Variants in CAV2 observed in about 807,000 individuals in gnomAD.
CAV2 encodes caveolin 2.
In CAV2, 7 loss-of-function variants were observed where a neutral mutation model predicts 15.5. That is an observed-to-expected ratio of 0.45 (90% CI 0.26 to 0.85). CAV2 has a LOEUF of 0.85. CAV2 is among the 40% of genes least tolerant of loss of function. CAV2 has a pLI of 0.18. For missense variants in CAV2, 229 were observed against 208.8 expected, an observed-to-expected ratio of 1.10 and a Z score of -0.60; for synonymous variants, 76 against 83.1, an observed-to-expected ratio of 0.91 and a Z score of 0.46.
intron 1 of CAV2, 68 bp from the exon 2 acceptor site, chr7:116,500,192 A>C: frequency 1.3e-6 from 2 of 1,566,952 alleles, no homozygotes; most frequent in Non-Finnish European, 1.7e-6. Context: ...CCCCCGCCCA[A>C]AGCGCTCCCG....
chr7:116,504,345 T>C (rs573800777), intron 2 of CAV2, among the ~76,000 whole-genome samples: 240 of 152,302 alleles, frequency 1.6e-3, no homozygotes, highest in Non-Finnish European at 2.9e-3. Flanking sequence ...GTGAGAAATA[T>C]AATAGAATAA....
In CAV2 at chr7:116,506,043, A is replaced by G; in HGVS notation, c.411A>G (p.Thr137=). The part of the protein sequence containing the change: ...PSVQTIWKSV[T]DVIIAPLCTS... ...TGCAGACAATATGGAAGAGTGTGAC[A>G]GATGTTATCATTGCTCCATTGTGTA... Residue 137 remains threonine (T), a synonymous_variant, in exon 3 of 3, where the codon ACA becomes ACG. Coordinates refer to ENST00000222693, the MANE Select transcript of CAV2 (RefSeq NM_001233.5). 2 of 1,613,776 alleles carry G rather than the reference A, an allele frequency of 1.2e-6. No homozygotes were observed. Among genetic ancestry groups the G allele is most frequent in the East Asian group, 2.2e-5 (1 of 44,880 alleles).
chr7:116,500,613 CTTTAG>C, intron 2 of CAV2, 166 bp downstream of exon 2: 1 of 621,504 alleles, frequency 1.6e-6, no homozygotes, highest in Non-Finnish European at 2.8e-6. Context: ...AATGCGCTTC[CTTTAG>C]AATAACAGTT....
In CAV2 at chr7:116,507,819, T is replaced by C. The variant is rs1206754743; in HGVS notation, c.*1698T>C. The C allele has an allele frequency of 6.6e-6, 1 of 152,234 alleles. No individual in the cohort carries two copies. The highest frequency in any genetic ancestry group is 2.4e-5 in the African/African-American group (1 of 41,460). 9.4% of individuals were successfully genotyped at this position (152,234 alleles called of 1,614,324 possible). On this transcript the variant is annotated 3_prime_UTR_variant, in exon 3 of 3. Coordinates refer to ENST00000222693, the MANE Select transcript of CAV2 (RefSeq NM_001233.5). ...TGTGTAAATGCTTAAATTTCAGAAT[T>C]ACCATCAGAACCTCAATTGACATTC...
chr7:116,502,834 T>C (rs537795734), intron 2 of CAV2, among the ~76,000 whole-genome samples: 3 of 152,296 alleles, frequency 2.0e-5, no homozygotes, highest in African/African-American at 7.2e-5. Flanking sequence ...AGTGAATTAG[T>C]TGGATTCCAT....
Position 116,508,537 on chromosome 7 carries a change from G to A in CAV2, c.*2416G>A, listed in dbSNP as rs1482650738. On this transcript the variant is annotated 3_prime_UTR_variant, in exon 3 of 3. Transcript: ENST00000222693. ...GGAATTCATAATAAATTTTCTAAAA[G>A]CCTACAAATGTGTGTATTGCTTTTA... The A allele has an allele frequency of 6.6e-6, 1 of 151,946 alleles. No individual in the cohort carries two copies. Among genetic ancestry groups the A allele is most frequent in the Non-Finnish European group, 1.5e-5 (1 of 67,960 alleles). 9.4% of individuals were successfully genotyped at this position (151,946 alleles called of 1,614,324 possible). A position where few individuals can be genotyped will look rare whatever the true frequency, so the allele number is the denominator to read the frequency against.
chr7:116,502,129 A>G (rs1296064601), intron 2 of CAV2, among the ~76,000 whole-genome samples: 1 of 152,180 alleles, frequency 6.6e-6, no homozygotes, highest in Non-Finnish European at 1.5e-5. Context: ...TTTATAGTCA[A>G]CAAAGCTAGG....
chr7:116,506,262 T>C lies in CAV2; in HGVS notation c.*141T>C. 1.3e-6 allele frequency: 1 copy of C among 747,476 alleles called. No homozygotes were observed. The highest frequency in any genetic ancestry group is 2.1e-6 in the Non-Finnish European group (1 of 466,488). The allele number at this position is 747,476 out of a possible 1,614,324, so 46.3% of individuals were successfully genotyped here. On this transcript the variant is annotated 3_prime_UTR_variant, in exon 3 of 3. Coordinates refer to ENST00000222693, the MANE Select transcript of CAV2 (RefSeq NM_001233.5). The stretch of plus-strand genomic sequence containing the variant: ...GATGAGCAACCACATTTAGAAATGT[T>C]TATTGACAGGTCTTTTCAAATAATG...
At chr7:116,503,020 C>T (rs553519543) in intron 2 of CAV2, among the ~76,000 whole-genome samples, 5 of 152,224 alleles carry the variant, frequency 3.3e-5, no homozygotes, top group African/African-American at 1.2e-4. Flanking sequence ...TTCTAGAAGA[C>T]AGTTTTCATA....
rs563435734 is a variant in CAV2 at position 116,506,029 on chromosome 7, T to C, written c.397T>C (p.Trp133Arg). 5.6e-6 allele frequency: 9 copies of C among 1,613,836 alleles called. No homozygotes were observed. In the South Asian group the frequency reaches 7.7e-5, roughly 14 times the overall value. Reference protein sequence around the residue: ...LMVLPSVQTIWKSVTDVIIAP... With the variant: ...LMVLPSVQTIRKSVTDVIIAP... ...GGTTCTGCCTTCAGTGCAGACAATA[T>C]GGAAGAGTGTGACAGATGTTATCAT... The change falls in exon 3 of 3, where the codon TGG becomes CGG. Residue 133 changes from tryptophan (W) to arginine (R), a missense_variant. Transcript: ENST00000222693.
chr7:116,500,623 A>G, intron 2 of CAV2, 176 bp downstream of exon 2: 1 of 603,956 alleles, frequency 1.7e-6, no homozygotes, highest in Non-Finnish European at 2.9e-6. Flanking sequence ...CTTTAGAATA[A>G]CAGTTTGGGC....
At chr7:116,501,437 G>A (rs747199943) in intron 2 of CAV2, among the ~76,000 whole-genome samples, 3 of 152,164 alleles carry the variant, frequency 2.0e-5, no homozygotes, top group Non-Finnish European at 4.4e-5. Flanking sequence ...GCCACACCCT[G>A]ATAAATACTC....
chr7:116,502,760 A>C (rs1375846195), intron 2 of CAV2, among the ~76,000 whole-genome samples: 2 of 152,226 alleles, frequency 1.3e-5, no homozygotes, highest in Non-Finnish European at 1.5e-5. Context: ...ACAATCAACA[A>C]CAATAAAACA....
At position 116,507,109 on chromosome 7, in the gene CAV2, A is replaced by G. The variant is rs1000750569; in HGVS notation, c.*988A>G. On this transcript the variant is annotated 3_prime_UTR_variant, in exon 3 of 3. Transcript: ENST00000222693. ...AGCATTCCTATTAATGTCTCACTTT[A>G]CTTTCAAGTAATATTGGTGCTATTT... The G allele has an allele frequency of 3.9e-5, 6 of 152,646 alleles. No homozygotes were observed. Among genetic ancestry groups the G allele is most frequent in the African/African-American group, 1.2e-4 (5 of 41,458 alleles). The allele number at this position is 152,646 out of a possible 1,614,324, so 9.5% of individuals were successfully genotyped here. A position where few individuals can be genotyped will look rare whatever the true frequency, so the allele number is the denominator to read the frequency against.
Position 116,499,791 on chromosome 7 carries a change from G to C in CAV2, c.10G>C (p.Glu4Gln), listed in dbSNP as rs775383670. 1.4e-5 allele frequency: 22 copies of C among 1,574,886 alleles called. No individual in the cohort carries two copies. Among genetic ancestry groups the C allele is most frequent in the Non-Finnish European group, 1.2e-5 (14 of 1,162,678 alleles). Residue 4 changes from glutamate to glutamine, a missense_variant, in exon 1 of 3, where the codon GAG becomes CAG. Physicochemically the swap from Glu to Gln is conservative, Grantham distance 29. Coordinates refer to ENST00000222693, the MANE Select transcript of CAV2 (RefSeq NM_001233.5). Reference sequence around the variant, plus strand: ...GCGCACCAAGGCTGCGATGGGGCTGGAGACGGAGAAGGCGGACGTACAGCT... The same window carrying C: ...GCGCACCAAGGCTGCGATGGGGCTGCAGACGGAGAAGGCGGACGTACAGCT... MGL[E>Q]TEKADVQLFM...
intron 2 of CAV2, chr7:116,500,668 T>C (rs1793082729): frequency 2.0e-5 from 11 of 541,896 alleles, no homozygotes; most frequent in Non-Finnish European, 3.6e-5. Flanking sequence ...TGTCGGTCTT[T>C]CCTGGGGTGT....
rs535850946 is a variant in CAV2, at chr7:116,505,293, T to C, written c.339-678T>C. 2.0e-5 allele frequency among the ~76,000 whole-genome samples: 3 copies of C among 152,318 alleles called. No homozygotes were observed. The East Asian group carries it at 5.8e-4, about 29-fold the overall frequency. On this transcript the variant is annotated intron_variant, in intron 2 of 2. Coordinates refer to ENST00000222693, the MANE Select transcript of CAV2 (RefSeq NM_001233.5). ...GACCAGGTAGATAAAGACATGGTTT[T>C]ATTTATTTTTGTTTTACTGTTTCAG...
intron 2 of CAV2, among the ~76,000 whole-genome samples, chr7:116,502,638 A>C (rs1486251905): frequency 6.6e-5 from 10 of 152,206 alleles, no homozygotes; most frequent in African/African-American, 2.2e-4. Flanking sequence ...GGGCTTGTGT[A>C]TTGTTTTTAC....
chr7:116,500,080 C>CA, intron 1 of CAV2, 149 bp downstream of exon 1: 3 of 1,468,972 alleles, frequency 2.0e-6, no homozygotes, highest in Non-Finnish European at 2.7e-6. Context: ...CACCCGTCAC[C>CA]AGGCCGCCCG....
Sources: allele counts gnomAD v4.1 joint callset (sites outside exome capture counted in the v4.1 genomes callset), GRCh38; gene constraint gnomAD v4.1.1; transcripts MANE v1.5; gene names NCBI Gene and HGNC (gene_info 2026-07-23, HGNC 2026-07-21).